Variants in PLA2G4A observed in about 807,000 individuals in gnomAD.
PLA2G4A encodes cytosolic phospholipase A2.
PLA2G4A carries 40 observed loss-of-function variants against 81.9 expected under a neutral mutation model. The ratio of observed to expected loss-of-function variants is 0.49; its 90% confidence interval spans 0.38 to 0.64. The LOEUF (loss-of-function observed/expected upper bound fraction) is 0.64, where lower values mean the gene tolerates loss of function less well. Among genes scored for constraint, PLA2G4A ranks in the 30% least tolerant of loss-of-function variants. PLA2G4A has a pLI of 0.00. For missense variants in PLA2G4A, 715 were observed against 905.1 expected (o/e 0.79, Z 2.69); for synonymous variants, 302 against 296.9 (o/e 1.02, Z -0.18).
intron 3 of PLA2G4A, among the ~76,000 whole-genome samples, chr1:186,876,114 T>C (rs1329140439): frequency 2.0e-5 from 3 of 152,122 alleles, no homozygotes; most frequent in African/African-American, 7.2e-5. Flanking sequence ...AGATGTGTTG[T>C]CTAGGATGAG....
chr1:186,871,532 G>T (rs1158016202), intron 3 of PLA2G4A, among the ~76,000 whole-genome samples: 1 of 152,132 alleles, frequency 6.6e-6, no homozygotes, highest in African/African-American at 2.4e-5. Context: ...GGTACCTAAA[G>T]GAGAAGTATC....
At chr1:186,878,020 G>T (rs1270700822) in intron 3 of PLA2G4A, among the ~76,000 whole-genome samples, 1 of 149,000 alleles carries the variant, frequency 6.7e-6, no homozygotes, top group Non-Finnish European at 1.5e-5. Context: ...TAATTATGGA[G>T]TTTCAAATCT....
At chr1:186,846,050 C>T (rs1652161819) in intron 1 of PLA2G4A, among the ~76,000 whole-genome samples, 1 of 152,196 alleles carries the variant, frequency 6.6e-6, no homozygotes, top group Admixed American at 6.5e-5. Flanking sequence ...AGAAACCCTG[C>T]TATTTTATGA....
intron 7 of PLA2G4A, among the ~76,000 whole-genome samples, chr1:186,912,171 A>G (rs1403182582): frequency 1.3e-5 from 2 of 152,162 alleles, no homozygotes; most frequent in Non-Finnish European, 2.9e-5. Context: ...CACCCCCAGA[A>G]AGAATGTTTT....
intron 2 of PLA2G4A, among the ~76,000 whole-genome samples, chr1:186,865,807 T>C (rs1291446701): frequency 6.6e-6 from 1 of 152,200 alleles, no homozygotes; most frequent in Admixed American, 6.5e-5. Flanking sequence ...CAATCATAGT[T>C]ACATATATCA....
intron 2 of PLA2G4A, among the ~76,000 whole-genome samples, chr1:186,864,577 T>G (rs535460973): frequency 2.0e-5 from 3 of 152,046 alleles, no homozygotes; most frequent in Admixed American, 6.6e-5. Flanking sequence ...TTTCATATAC[T>G]TGTTGGCCAT....
chr1:186,858,918 CGTGTGTGTGT>C (rs142558787), intron 2 of PLA2G4A, among the ~76,000 whole-genome samples: 1 of 147,776 alleles, frequency 6.8e-6, no homozygotes, highest in Non-Finnish European at 1.5e-5. Flanking sequence ...TGGGTGTGTG[CGTGTGTGTGT>C]GTGTGTGTGT....
At chr1:186,894,964 T>C (rs1654282893) in intron 5 of PLA2G4A, among the ~76,000 whole-genome samples, 1 of 152,118 alleles carries the variant, frequency 6.6e-6, no homozygotes, top group African/African-American at 2.4e-5. Flanking sequence ...GGAGAGACAA[T>C]GTGTCTCTGC....
chr1:186,849,368 G>A (rs1652295819), intron 1 of PLA2G4A, among the ~76,000 whole-genome samples: 1 of 152,024 alleles, frequency 6.6e-6, no homozygotes, highest in Non-Finnish European at 1.5e-5. Flanking sequence ...GGAGTCTAGA[G>A]AACACACAGA....
intron 2 of PLA2G4A, among the ~76,000 whole-genome samples, chr1:186,861,634 A>T (rs1419053724): frequency 6.6e-6 from 1 of 152,110 alleles, no homozygotes; most frequent in Non-Finnish European, 1.5e-5. Context: ...AATCCCAAAA[A>T]GTTGGATAAT....
chr1:186,916,681 A>ATCTGG, intron 7 of PLA2G4A, among the ~76,000 whole-genome samples: 1 of 152,262 alleles, frequency 6.6e-6, no homozygotes, highest in East Asian at 1.9e-4. Flanking sequence ...CATAACACAC[A>ATCTGG]TCTGGTCTGT....
intron 11 of PLA2G4A, 36 bp from the exon 12 acceptor site, chr1:186,946,833 T>C: frequency 6.3e-7 from 1 of 1,589,208 alleles, no homozygotes; most frequent in Non-Finnish European, 8.6e-7. Flanking sequence ...AAACCTGGGA[T>C]ATTTTAAGTT....
intron 14 of PLA2G4A, among the ~76,000 whole-genome samples, chr1:186,961,713 G>A (rs867416715): frequency 6.6e-6 from 1 of 151,934 alleles, no homozygotes; most frequent in African/African-American, 2.4e-5. Context: ...TCATGTTTTT[G>A]GTTACACTTT....
chr1:186,911,400 A>G lies in PLA2G4A; in HGVS notation c.558+11A>G. ...CATTCTGCACGTGATGTGAGTTGGAAATTTTTCAAGTGTTACTATACTTTA... is the reference window on the plus strand; with the variant it reads ...CATTCTGCACGTGATGTGAGTTGGAGATTTTTCAAGTGTTACTATACTTTA... On this transcript the variant is annotated intron_variant, in intron 7 of 17. Transcript: ENST00000367466. 6.3e-7 allele frequency: 1 copy of G among 1,598,724 alleles called. No individual in the cohort carries two copies. Among genetic ancestry groups the G allele is most frequent in the Non-Finnish European group, 8.6e-7 (1 of 1,165,880 alleles).
At chr1:186,889,406 A>G (rs1294354294) in intron 3 of PLA2G4A, among the ~76,000 whole-genome samples, 2 of 152,212 alleles carry the variant, frequency 1.3e-5, no homozygotes, top group African/African-American at 4.8e-5. Context: ...TGTTTTTACA[A>G]TAACCCTGGG....
At chr1:186,896,461 C>T (rs1190041503) in intron 5 of PLA2G4A, among the ~76,000 whole-genome samples, 2 of 152,196 alleles carry the variant, frequency 1.3e-5, no homozygotes, top group Non-Finnish European at 2.9e-5. Context: ...TGGTCAAAGG[C>T]TAAAATCTTC....
At chr1:186,956,639 G>A (rs748870926) in intron 14 of PLA2G4A, among the ~76,000 whole-genome samples, 1 of 151,950 alleles carries the variant, frequency 6.6e-6, no homozygotes, top group Non-Finnish European at 1.5e-5. Flanking sequence ...TCAGCTTCCT[G>A]AGTAGCTGGG....
chr1:186,899,006 A>T (rs962434253), intron 5 of PLA2G4A, among the ~76,000 whole-genome samples: 1 of 152,160 alleles, frequency 6.6e-6, no homozygotes, highest in African/African-American at 2.4e-5. Context: ...ATGAACAAGA[A>T]TCCCTACCCT....
chr1:186,876,168 T>C (rs141658573), intron 3 of PLA2G4A, among the ~76,000 whole-genome samples: 1 of 152,126 alleles, frequency 6.6e-6, no homozygotes, highest in African/African-American at 2.4e-5. Flanking sequence ...GAGGGATGCA[T>C]GTTGAACATT....
Sources: allele counts gnomAD v4.1 joint callset (sites outside exome capture counted in the v4.1 genomes callset), GRCh38; gene constraint gnomAD v4.1.1; transcripts MANE v1.5; gene names NCBI Gene and HGNC (gene_info 2026-07-23, HGNC 2026-07-21).